The following SLC12A2 variants were observed in gnomAD, a reference collection of about 807,000 sequenced individuals.
The protein encoded by SLC12A2 is solute carrier family 12 member 2.
A neutral mutation model predicts 136.3 loss-of-function variants in SLC12A2; 67 were observed. That is an observed-to-expected ratio of 0.49 (90% confidence interval 0.40 to 0.60). SLC12A2 has a LOEUF of 0.60. Ranked by LOEUF, SLC12A2 falls within the 20% of genes least tolerant of loss-of-function variation. The pLI, the probability that SLC12A2 is intolerant of heterozygous loss-of-function variation, is 0.00. For missense variants in SLC12A2, 1,322 were observed against 1,534.7 expected, an observed-to-expected ratio of 0.86 and a Z score of 2.32; for synonymous variants, 619 against 562.9, an observed-to-expected ratio of 1.10 and a Z score of -1.41.
rs142362786 is a variant in SLC12A2, at chr5:128,107,322, T to C, written c.757-5492T>C. 8.5e-3 allele frequency among the ~76,000 whole-genome samples: 1,301 copies of C among 152,340 alleles called. 8 individuals carry two copies. The highest frequency in any genetic ancestry group is 0.012 in the Non-Finnish European group (812 of 68,020). ...TATTTTTGAATTATACTTTAAGTTC[T>C]AGCATACATGTGCAGAACGTGCAGT... On this transcript the variant is annotated intron_variant, in intron 1 of 26. Coordinates refer to ENST00000262461, the MANE Select transcript of SLC12A2 (RefSeq NM_001046.3).
At chr5:128,119,988 C>T (rs900346844) in intron 4 of SLC12A2, among the ~76,000 whole-genome samples, 1 of 151,878 alleles carries the variant, frequency 6.6e-6, no homozygotes, top group Non-Finnish European at 1.5e-5. Context: ...CCAGAATCTA[C>T]AATGAACTCA....
chr5:128,160,243 T>TG (rs899309953), intron 16 of SLC12A2, among the ~76,000 whole-genome samples: 4 of 148,588 alleles, frequency 2.7e-5, no homozygotes, highest in Non-Finnish European at 3.0e-5. Context: ...TGTTGGGAGG[T>TG]GGGGGGGCTC....
In SLC12A2 at chr5:128,118,163, T is replaced by A. The variant is rs146083241; in HGVS notation, c.1048+3482T>A. On this transcript the variant is annotated intron_variant, in intron 4 of 26. Coordinates refer to ENST00000262461, the MANE Select transcript of SLC12A2 (RefSeq NM_001046.3). ...ACCACTATGTAAAATAGTATGGAGA[T>A]TCCTTAACTAAAAGTAGAACTACCA... Among the ~76,000 whole-genome samples, 595 of 152,266 alleles carry A rather than the reference T, an allele frequency of 3.9e-3. 4 individuals carry two copies. Among genetic ancestry groups the A allele is most frequent in the African/African-American group, 0.014 (572 of 41,552 alleles).
chr5:128,087,173 A>T (rs150226641), intron 1 of SLC12A2, among the ~76,000 whole-genome samples: 1 of 152,358 alleles, frequency 6.6e-6, no homozygotes, highest in Non-Finnish European at 1.5e-5. Context: ...AGGGGAAAAG[A>T]TAAATATCCT....
At chr5:128,102,750 C>A (rs894848163) in intron 1 of SLC12A2, among the ~76,000 whole-genome samples, 4 of 150,774 alleles carry the variant, frequency 2.7e-5, no homozygotes, top group African/African-American at 9.7e-5. Flanking sequence ...GTAGCTGAGA[C>A]TACAGGCACG....
chr5:128,146,983 A>G (rs1762548818), intron 10 of SLC12A2, among the ~76,000 whole-genome samples: 1 of 151,598 alleles, frequency 6.6e-6, no homozygotes, highest in Admixed American at 6.6e-5. Flanking sequence ...TGAGATCTCC[A>G]TGGGAGAAAT....
At position 128,083,959 on chromosome 5, in the gene SLC12A2, AGCCGCGGCCCACGGC is replaced by A. The variant is rs1759904941; in HGVS notation, c.9_23del (p.Arg4_Pro8del). On this transcript the variant is annotated inframe_deletion, in exon 1 of 27. Transcript: ENST00000262461. ...TCCGCCGGGGGTCGGGCAGCTATGGAGCCGCGGCCCACGGCGCCCTCCTCCGGCGCCCCGGGACTG... is the reference window on the plus strand; with the variant it reads ...TCCGCCGGGGGTCGGGCAGCTATGGAGCCCTCCTCCGGCGCCCCGGGACTG... The A allele has an allele frequency of 8.1e-7, 1 of 1,235,696 alleles. No individual in the cohort carries two copies. The highest frequency in any genetic ancestry group is 1.0e-6 in the Non-Finnish European group (1 of 989,458). 76.5% of individuals were successfully genotyped at this position (1,235,696 alleles called of 1,614,324 possible).
chr5:128,096,111 C>T (rs1415264439), intron 1 of SLC12A2, among the ~76,000 whole-genome samples: 3 of 152,022 alleles, frequency 2.0e-5, no homozygotes, highest in African/African-American at 7.2e-5. Context: ...GACAGATGGA[C>T]AGACTCAGAA....
intron 23 of SLC12A2, among the ~76,000 whole-genome samples, chr5:128,181,818 T>G (rs1763716474): frequency 6.6e-6 from 1 of 151,976 alleles, no homozygotes; most frequent in Admixed American, 6.6e-5. Context: ...CTCCTTTGCC[T>G]CCTCTCATCT....
At chr5:128,177,202 T>A in intron 21 of SLC12A2, 50 bp downstream of exon 21, 1 of 1,298,280 alleles carries the variant, frequency 7.7e-7, no homozygotes, top group Admixed American at 2.1e-5. Context: ...TACTGTAAAC[T>A]CTTTAACTCC....
chr5:128,154,548 T>C (rs555760483), intron 15 of SLC12A2, among the ~76,000 whole-genome samples: 1 of 152,162 alleles, frequency 6.6e-6, no homozygotes, highest in Non-Finnish European at 1.5e-5. Context: ...CTCATATCCC[T>C]CTTTCTCTCA....
At position 128,114,264 on chromosome 5, in the gene SLC12A2, G is replaced by C. The variant is rs1164328371; in HGVS notation, c.929G>C (p.Trp310Ser). 6.2e-7 allele frequency: 1 copy of C among 1,613,282 alleles called. No individual in the cohort carries two copies. The highest frequency in any genetic ancestry group is 1.1e-5 in the South Asian group (1 of 91,038). Residue 310 changes from tryptophan (W) to serine (S), a missense_variant, in exon 3 of 27, where the codon TGG (tryptophan) becomes TCG (serine). This residue lies in a region of SLC12A2 where 71 missense variants were observed against 131.0 expected (regional missense o/e 0.54). Transcript: ENST00000262461. ...GTGATGCTTTTCATTAGATTGTCATGGATTGTGGGTCAAGCTGGAATAGGT... is the reference window on the plus strand; with the variant it reads ...GTGATGCTTTTCATTAGATTGTCATCGATTGTGGGTCAAGCTGGAATAGGT... ...WGVMLFIRLS[W>S]IVGQAGIGLS...
At chr5:128,100,161 T>A (rs967151198) in intron 1 of SLC12A2, among the ~76,000 whole-genome samples, 2 of 152,128 alleles carry the variant, frequency 1.3e-5, no homozygotes, top group African/African-American at 4.8e-5. Flanking sequence ...AGGAGAGGAA[T>A]GTTTTAGCTC....
intron 3 of SLC12A2, 89 bp downstream of exon 3, chr5:128,114,376 T>C: frequency 9.7e-7 from 1 of 1,033,002 alleles, no homozygotes; most frequent in Non-Finnish European, 1.5e-6. Flanking sequence ...GAAATTAGAG[T>C]CATTTTTAAC....
At chr5:128,111,838 ATATG>A (rs1323236994) in intron 1 of SLC12A2, among the ~76,000 whole-genome samples, 1 of 151,750 alleles carries the variant, frequency 6.6e-6, no homozygotes, top group Admixed American at 6.6e-5. Flanking sequence ...ATATATATAT[ATATG>A]GAGAGAGAGA....
In SLC12A2 at chr5:128,157,948, T is replaced by A. The variant is rs1181307227; in HGVS notation, c.2364-105T>A. Reference sequence around the variant, plus strand: ...TTTTGAGAATCCTGTGGCCTGTGTCTTAAGGACAGTTGTATACAGAAAGCT... The same window carrying A: ...TTTTGAGAATCCTGTGGCCTGTGTCATAAGGACAGTTGTATACAGAAAGCT... On this transcript the variant is annotated intron_variant, in intron 15 of 26. Coordinates refer to ENST00000262461, the MANE Select transcript of SLC12A2 (RefSeq NM_001046.3). 19 of 840,072 alleles carry A rather than the reference T, an allele frequency of 2.3e-5. 1 individual carries two copies. In the Admixed American group the frequency reaches 5.4e-4, roughly 24 times the overall value. The allele number at this position is 840,072 out of a possible 1,614,324, so 52.0% of individuals were successfully genotyped here. A position where few individuals can be genotyped will look rare whatever the true frequency, so the allele number is the denominator to read the frequency against.
intron 20 of SLC12A2, among the ~76,000 whole-genome samples, 189 bp downstream of exon 20, chr5:128,174,855 G>C (rs965852296): frequency 6.6e-6 from 1 of 152,048 alleles, no homozygotes; most frequent in Admixed American, 6.6e-5. Flanking sequence ...TAAGGTATTA[G>C]AGTAGATCAT....
intron 15 of SLC12A2, among the ~76,000 whole-genome samples, chr5:128,157,461 G>T (rs957442635): frequency 6.6e-6 from 1 of 152,040 alleles, no homozygotes; most frequent in Non-Finnish European, 1.5e-5. Flanking sequence ...TTACTCATGG[G>T]ACGACAGTCA....
intron 2 of SLC12A2, 135 bp downstream of exon 2, chr5:128,113,068 C>A: frequency 1.6e-6 from 1 of 631,444 alleles, no homozygotes; most frequent in Non-Finnish European, 2.4e-6. Context: ...CTGTGGAAAA[C>A]CAAATTAATA....
Sources: gnomAD v4.1 joint callset for allele counts (sites outside exome capture counted in the v4.1 genomes callset) on GRCh38, gnomAD v4.1.1 for gene constraint, gnomAD v4.1.1 regional missense constraint, MANE v1.5 for transcripts, NCBI Gene and HGNC (gene_info 2026-07-23, HGNC 2026-07-21) for gene names.